Variants in EHD1 observed in about 807,000 individuals in gnomAD.
EHD1 encodes EH domain-containing protein 1.
Under a neutral mutation model 39.0 loss-of-function variants are expected in EHD1, and 19 were observed. The observed-to-expected ratio is 0.49, with a 90% confidence interval of 0.34 to 0.72. EHD1 has a LOEUF of 0.72. Ranked by LOEUF, EHD1 falls within the 30% of genes least tolerant of loss-of-function variation. The pLI is 0.01. For synonymous variants in EHD1, 323 were observed against 331.2 expected, an observed-to-expected ratio of 0.98 and a Z score of 0.27; for missense variants, 542 against 751.5, an observed-to-expected ratio of 0.72 and a Z score of 3.26.
At chr11:64,873,416 A>G (rs140299666) in intron 2 of EHD1, among the ~76,000 whole-genome samples, 39 of 152,340 alleles carry the variant, frequency 2.6e-4, no homozygotes, top group African/African-American at 9.1e-4. Context: ...ACTAAAGCTA[A>G]TAAGCTCTGG....
rs747785102 is a variant in EHD1 at position 64,854,612 on chromosome 11, G to A, written c.1326C>T (p.Gly442=). Reference sequence around the variant, plus strand: ...TCTCGTCGTAGGTGGGCTTGTCCTTGCCCACCACCCACTCCACGTCGTCGA... The same window carrying A: ...TCTCGTCGTAGGTGGGCTTGTCCTTACCCACCACCCACTCCACGTCGTCGA... ...EGIDDVEWVV[G]KDKPTYDEIF... Residue 442 remains glycine, a synonymous_variant, in exon 5 of 5, where the codon GGC becomes GGT. Transcript: ENST00000320631. The A allele has an allele frequency of 6.2e-7, 1 of 1,614,014 alleles. No individual in the cohort carries two copies.
intron 2 of EHD1, among the ~76,000 whole-genome samples, chr11:64,861,019 CAAAA>C (rs34278325): frequency 8.9e-6 from 1 of 112,400 alleles, no homozygotes; most frequent in Admixed American, 9.4e-5. Context: ...GACTCCATCT[CAAAA>C]AAAAAAAAAA....
chr11:64,865,851 A>C (rs1943761826), intron 2 of EHD1, among the ~76,000 whole-genome samples: 1 of 152,228 alleles, frequency 6.6e-6, no homozygotes, highest in Admixed American at 6.5e-5. Flanking sequence ...AAAAAGTCTA[A>C]AAATAACAGA....
At chr11:64,871,458 C>T (rs1943830212) in intron 2 of EHD1, among the ~76,000 whole-genome samples, 1 of 152,220 alleles carries the variant, frequency 6.6e-6, no homozygotes. Context: ...GGAGTTTACA[C>T]CCAGCACCTC....
At chr11:64,864,084 G>A (rs114675914) in intron 2 of EHD1, among the ~76,000 whole-genome samples, 2,292 of 152,344 alleles carry the variant, frequency 0.015, 56 homozygotes, top group African/African-American at 0.051. Context: ...ACACAGCCTC[G>A]GCAGCCTCTC....
In EHD1 at chr11:64,854,571, G is replaced by T. The variant is rs558563641; in HGVS notation, c.1367C>A (p.Ser456Tyr). ...GCCCGTGATCTTGCCGTTGACAGGG[G>T]ACAGCGTGTAGAAGATCTCGTCGTA... ...PTYDEIFYTL[S>Y]PVNGKITGAN... Residue 456 changes from serine (S) to tyrosine (Y), a missense_variant, in exon 5 of 5, where the codon TCC becomes TAC. Ser to Tyr is a moderately radical substitution (Grantham distance 144). Coordinates refer to ENST00000320631, the MANE Select transcript of EHD1 (RefSeq NM_006795.4). 102 of 1,614,140 alleles carry T rather than the reference G, an allele frequency of 6.3e-5. No homozygotes were observed. The South Asian group carries it at 1.0e-3, about 17-fold the overall frequency.
intron 4 of EHD1, 111 bp from the exon 5 acceptor site, chr11:64,854,968 T>A: frequency 7.2e-7 from 1 of 1,382,896 alleles, no homozygotes; most frequent in Non-Finnish European, 9.9e-7. Context: ...TCCCCCACAC[T>A]AGCAGGGGCG....
chr11:64,863,021 G>A (rs912353031), intron 2 of EHD1, among the ~76,000 whole-genome samples: 14 of 152,184 alleles, frequency 9.2e-5, no homozygotes, highest in African/African-American at 3.1e-4. Context: ...CCCCACCCCC[G>A]AGGGGCCACA....
At chr11:64,864,650 C>G (rs1342678225) in intron 2 of EHD1, among the ~76,000 whole-genome samples, 2 of 152,216 alleles carry the variant, frequency 1.3e-5, no homozygotes, top group Non-Finnish European at 2.9e-5. Flanking sequence ...AGGTTCCTCG[C>G]TCAGCAAAAA....
At chr11:64,877,899 C>G (rs1327075166) in intron 1 of EHD1, 162 bp downstream of exon 1, 1 of 677,418 alleles carries the variant, frequency 1.5e-6, no homozygotes, top group African/African-American at 1.8e-5. Context: ...TGGGTTTACT[C>G]TGGGAAGGGG....
chr11:64,854,820 G>C lies in EHD1; in HGVS notation c.1118C>G (p.Ala373Gly). The C allele has an allele frequency of 6.2e-7, 1 of 1,601,054 alleles. No homozygotes were observed. Among genetic ancestry groups the C allele is most frequent in the Non-Finnish European group, 8.5e-7 (1 of 1,179,864 alleles). The change falls in exon 5 of 5, where the codon GCG becomes GGG. Residue 373 changes from alanine to glycine, a missense_variant. Physicochemically the swap from Ala to Gly is moderately conservative, Grantham distance 60. Coordinates refer to ENST00000320631, the MANE Select transcript of EHD1 (RefSeq NM_006795.4). ...LQTQDFSKFQ[A>G]LKPKLLDTVD... is the part of the protein sequence containing the mutation. ...CGTGTCCAGCAGCTTGGGCTTCAGC[G>C]CCTGGAACTTGCTGAAGTCCTGGGT...
At chr11:64,873,764 C>T (rs1020443694) in intron 2 of EHD1, among the ~76,000 whole-genome samples, 1 of 151,776 alleles carries the variant, frequency 6.6e-6, no homozygotes, top group Non-Finnish European at 1.5e-5. Context: ...GCAAGCTCTA[C>T]CTCCTGGGTT....
Position 64,878,291 on chromosome 11 carries a change from CTTG to C in EHD1, c.171_173del (p.Asn57del). ...ACTGCCCCACGAGGAGCACCATAGG[CTTG>C]TTGTCGAAGTCAGCGTCCTCCAGCG... On this transcript the variant is annotated inframe_deletion, in exon 1 of 5. Coordinates refer to ENST00000320631, the MANE Select transcript of EHD1 (RefSeq NM_006795.4). 3 of 1,614,216 alleles carry C rather than the reference CTTG, an allele frequency of 1.9e-6. No homozygotes were observed. Among genetic ancestry groups the C allele is most frequent in the South Asian group, 1.1e-5 (1 of 91,092 alleles).
intron 2 of EHD1, among the ~76,000 whole-genome samples, chr11:64,869,566 T>C (rs1364671845): frequency 2.0e-5 from 3 of 152,262 alleles, no homozygotes; most frequent in Admixed American, 2.0e-4. Flanking sequence ...GAGCTTAACA[T>C]GTAAATTCTG....
At chr11:64,858,154 G>T (rs901247250) in intron 3 of EHD1, among the ~76,000 whole-genome samples, 1 of 148,114 alleles carries the variant, frequency 6.8e-6, no homozygotes, top group Non-Finnish European at 1.5e-5. Context: ...GATTACAGGC[G>T]TGAGCCACCA....
intron 2 of EHD1, among the ~76,000 whole-genome samples, chr11:64,873,530 G>T (rs541614549): frequency 1.3e-5 from 2 of 152,136 alleles, no homozygotes; most frequent in African/African-American, 4.8e-5. Context: ...TCAAAAGCAT[G>T]ACAGCCACAT....
intron 2 of EHD1, among the ~76,000 whole-genome samples, chr11:64,863,567 A>G (rs3888185): frequency 0.066 from 10,029 of 152,276 alleles, 472 homozygotes; most frequent in African/African-American, 0.12. Flanking sequence ...ACGCACAAGC[A>G]CGCCAAGATA....
intron 2 of EHD1, among the ~76,000 whole-genome samples, chr11:64,873,827 C>T (rs1441003268): frequency 6.6e-6 from 1 of 151,830 alleles, no homozygotes; most frequent in Admixed American, 6.6e-5. Flanking sequence ...CAGGCGCCCA[C>T]CAACACGCCC....
rs1326083413 is a variant in EHD1 at position 64,852,064 on chromosome 11, G to A, written c.*2269C>T. 6.6e-6 allele frequency: 1 copy of A among 152,256 alleles called. No individual in the cohort carries two copies. Among genetic ancestry groups the A allele is most frequent in the African/African-American group, 2.4e-5 (1 of 41,448 alleles). 9.4% of individuals were successfully genotyped at this position (152,256 alleles called of 1,614,324 possible). The stretch of plus-strand genomic sequence containing the variant: ...GCTCGGAGCACACAACTGGGTCCCT[G>A]AAACCCTCAGGAACTTGTTTCTGTC... On this transcript the variant is annotated 3_prime_UTR_variant, in exon 5 of 5. Transcript: ENST00000320631.
Sources: allele counts gnomAD v4.1 joint callset (sites outside exome capture counted in the v4.1 genomes callset), GRCh38; gene constraint gnomAD v4.1.1; transcripts MANE v1.5; gene names NCBI Gene and HGNC (gene_info 2026-07-23, HGNC 2026-07-21).